The following POT1 variants were observed in gnomAD, a reference collection of about 807,000 sequenced individuals.
The protein encoded by POT1 is protection of telomeres protein 1.
POT1 carries 47 observed loss-of-function variants against 78.5 expected under a neutral mutation model. That is an observed-to-expected ratio of 0.60 (90% CI 0.47 to 0.76). POT1 has a LOEUF of 0.76. Among genes scored for constraint, POT1 ranks in the 30% least tolerant of loss-of-function variants. The pLI is 0.00. For synonymous variants in POT1, 259 were observed against 260.7 expected (o/e 0.99, Z 0.06); for missense variants, 646 against 749.9 (o/e 0.86, Z 1.62).
At chr7:124,850,454 G>T (rs911005320) in intron 11 of POT1, among the ~76,000 whole-genome samples, 1 of 152,182 alleles carries the variant, frequency 6.6e-6, no homozygotes, top group African/African-American at 2.4e-5. Context: ...GCGGACGGGC[G>T]CAATGGCCTG....
chr7:124,906,358 A>G (rs1796765004), intron 3 of POT1, among the ~76,000 whole-genome samples: 1 of 152,204 alleles, frequency 6.6e-6, no homozygotes, highest in South Asian at 2.1e-4. Context: ...ATGAAGCTGG[A>G]AACCATCATT....
intron 2 of POT1, among the ~76,000 whole-genome samples, chr7:124,917,827 A>C (rs777108472): frequency 6.6e-6 from 1 of 152,176 alleles, no homozygotes; most frequent in Non-Finnish European, 1.5e-5. Flanking sequence ...AAAAGCACCT[A>C]AGCATGTAGG....
intron 2 of POT1, among the ~76,000 whole-genome samples, chr7:124,917,605 A>G (rs1329640906): frequency 6.6e-6 from 1 of 152,192 alleles, no homozygotes. Flanking sequence ...CATACAAAAG[A>G]GGCAAGAAAA....
At chr7:124,874,537 A>C (rs1481306367) in intron 6 of POT1, among the ~76,000 whole-genome samples, 1 of 152,106 alleles carries the variant, frequency 6.6e-6, no homozygotes. Flanking sequence ...GTTAAAGACC[A>C]GCCTGGCCAA....
At position 124,822,502 on chromosome 7, in the gene POT1, T is replaced by G. The variant is rs1470031811; in HGVS notation, c.*1460A>C. ...ACGTGGAGATCTTGCAGGCTCACAG[T>G]GTGAACATATGGCACCTTTGGACCT... On this transcript the variant is annotated 3_prime_UTR_variant, in exon 19 of 19. Transcript: ENST00000357628. The G allele has an allele frequency of 2.2e-6, 1 of 453,388 alleles. No individual in the cohort carries two copies. Among genetic ancestry groups the G allele is most frequent in the South Asian group, 1.6e-5 (1 of 64,056 alleles). 28.1% of individuals were successfully genotyped at this position (453,388 alleles called of 1,614,324 possible).
At chr7:124,830,936 T>C (rs1388800575) in intron 15 of POT1, among the ~76,000 whole-genome samples, 1 of 152,172 alleles carries the variant, frequency 6.6e-6, no homozygotes, top group Admixed American at 6.5e-5. Context: ...ATCAATTACA[T>C]GTATGTGCGC....
rs4731223 is a variant in POT1, at chr7:124,843,218, A to T, written c.1007-255T>A. The T allele has an allele frequency of 0.4, 108,868 of 275,512 alleles. 21,945 individuals carry two copies. Among genetic ancestry groups the T allele is most frequent in the East Asian group, 0.48 (7,694 of 16,048 alleles). The allele number at this position is 275,512 out of a possible 1,614,324, so 17.1% of individuals were successfully genotyped here. ...TTTGGGGGAAGAAATAAGTAACTTA[A>T]CTGCCTAGTAAGCATTCAAAAAAGC... On this transcript the variant is annotated intron_variant, in intron 12 of 18. Coordinates refer to ENST00000357628, the MANE Select transcript of POT1 (RefSeq NM_015450.3).
chr7:124,847,078 G>C (rs181847908), intron 11 of POT1, 80 bp from the exon 12 acceptor site: 8 of 887,238 alleles, frequency 9.0e-6, no homozygotes, highest in Non-Finnish European at 1.1e-5. Flanking sequence ...GTTGCTGAGA[G>C]AAACTGAAGA....
intron 6 of POT1, among the ~76,000 whole-genome samples, chr7:124,877,589 C>A (rs958056663): frequency 1.3e-5 from 2 of 151,606 alleles, no homozygotes; most frequent in African/African-American, 2.4e-5. Context: ...GTAATCCCAC[C>A]GCTTAGGTCG....
chr7:124,883,979 A>T (rs532218480), intron 6 of POT1, among the ~76,000 whole-genome samples: 1 of 152,116 alleles, frequency 6.6e-6, no homozygotes, highest in East Asian at 1.9e-4. Flanking sequence ...TGTATCAATA[A>T]TACATAGTTG....
intron 6 of POT1, among the ~76,000 whole-genome samples, chr7:124,885,352 A>G (rs1667830528): frequency 1.3e-5 from 2 of 150,404 alleles, no homozygotes; most frequent in Non-Finnish European, 1.5e-5. Context: ...ACATGCTGCT[A>G]GTTCCAGCTA....
At chr7:124,854,451 A>AT (rs1270387974) in intron 9 of POT1, among the ~76,000 whole-genome samples, 1 of 151,884 alleles carries the variant, frequency 6.6e-6, no homozygotes, top group Non-Finnish European at 1.5e-5. Flanking sequence ...TAAAAAAAAA[A>AT]GATGAGTAGC....
chr7:124,887,272 A>T (rs1796268686), intron 6 of POT1, among the ~76,000 whole-genome samples: 1 of 152,124 alleles, frequency 6.6e-6, no homozygotes, highest in Non-Finnish European at 1.5e-5. Flanking sequence ...CTTCAACTTT[A>T]ATGTTCCCCT....
chr7:124,857,943 ATGC>A (rs1384836680), intron 9 of POT1, among the ~76,000 whole-genome samples: 2 of 152,138 alleles, frequency 1.3e-5, no homozygotes, highest in Non-Finnish European at 2.9e-5. Context: ...ACCCTCTCAG[ATGC>A]TGCTGTGGGG....
chr7:124,833,540 T>C (rs777565728), intron 15 of POT1, among the ~76,000 whole-genome samples: 5 of 152,242 alleles, frequency 3.3e-5, no homozygotes, highest in Non-Finnish European at 5.9e-5. Flanking sequence ...CTTCTAAATG[T>C]AGAAATCTGT....
intron 2 of POT1, among the ~76,000 whole-genome samples, chr7:124,924,940 CTAGA>C (rs1045839454): frequency 1.9e-4 from 29 of 152,044 alleles, no homozygotes; most frequent in African/African-American, 6.3e-4. Context: ...CCTCAACAAA[CTAGA>C]TAGAGAAGGA....
chr7:124,866,257 G>C (rs1322075658), intron 7 of POT1, among the ~76,000 whole-genome samples: 1 of 151,844 alleles, frequency 6.6e-6, no homozygotes, highest in African/African-American at 2.4e-5. Flanking sequence ...AACATGTGTA[G>C]AATAGGCCTT....
chr7:124,870,558 T>C (rs1044143243), intron 7 of POT1, among the ~76,000 whole-genome samples: 1 of 152,142 alleles, frequency 6.6e-6, no homozygotes, highest in African/African-American at 2.4e-5. Flanking sequence ...TTTTTTCTTG[T>C]TGACCTAAAG....
At chr7:124,841,373 A>C (rs1795025320) in intron 13 of POT1, among the ~76,000 whole-genome samples, 195 bp from the exon 14 acceptor site, 1 of 152,044 alleles carries the variant, frequency 6.6e-6, no homozygotes, top group Admixed American at 6.6e-5. Context: ...TAATTATTTG[A>C]TATTTTGTGG....
Sources: allele counts gnomAD v4.1 joint callset (sites outside exome capture counted in the v4.1 genomes callset), GRCh38; gene constraint gnomAD v4.1.1; transcripts MANE v1.5; gene names NCBI Gene and HGNC (gene_info 2026-07-23, HGNC 2026-07-21).